The following MOB3B variants were observed in gnomAD, a reference collection of about 807,000 sequenced individuals.
MOB3B encodes the protein MOB kinase activator 3B, also known as MOB kinase activator-like 2B.
A neutral mutation model predicts 18.7 loss-of-function variants in MOB3B; 7 were observed. The ratio of observed to expected loss-of-function variants is 0.37; its 90% CI spans 0.21 to 0.70. The LOEUF is 0.70. MOB3B is among the 30% of genes least tolerant of loss of function. The pLI is 0.52. For synonymous variants in MOB3B, 111 were observed against 99.9 expected (o/e 1.11, Z -0.66); for missense variants, 253 against 281.3 (o/e 0.90, Z 0.72).
At chr9:27,421,571 A>G (rs1486069011) in intron 2 of MOB3B, 1 of 152,396 alleles carries the variant, frequency 6.6e-6, no homozygotes, top group Non-Finnish European at 1.5e-5. Flanking sequence ...GGCGGGGGTT[A>G]CTTCACATTT....
At chr9:27,474,237 C>T (rs1020149117) in intron 1 of MOB3B, among the ~76,000 whole-genome samples, 1 of 152,012 alleles carries the variant, frequency 6.6e-6, no homozygotes, top group African/African-American at 2.4e-5. Context: ...ATTTATATTT[C>T]CTCCAACCAT....
At chr9:27,523,464 CAAA>C (rs55637136) in intron 1 of MOB3B, among the ~76,000 whole-genome samples, 15 of 141,614 alleles carry the variant, frequency 1.1e-4, no homozygotes, top group Admixed American at 7.0e-5. Flanking sequence ...TAAACTGCAC[CAAA>C]AAAAAAAAAG....
chr9:27,436,951 C>T (rs564926714), intron 2 of MOB3B, among the ~76,000 whole-genome samples: 11 of 138,554 alleles, frequency 7.9e-5, no homozygotes, highest in South Asian at 4.4e-4. Context: ...AGGAACAGAA[C>T]GCGCAAAGGC....
chr9:27,349,243 T>C (rs1369151425), intron 3 of MOB3B, among the ~76,000 whole-genome samples: 1 of 152,212 alleles, frequency 6.6e-6, no homozygotes, highest in African/African-American at 2.4e-5. Context: ...TATAAAATTG[T>C]TTCATAGGAG....
At chr9:27,475,750 G>A (rs1196396571) in intron 1 of MOB3B, among the ~76,000 whole-genome samples, 2 of 152,174 alleles carry the variant, frequency 1.3e-5, no homozygotes. Context: ...TAGTTGCTCT[G>A]TCTAATCAAT....
At chr9:27,409,920 G>C (rs1308025027) in intron 2 of MOB3B, among the ~76,000 whole-genome samples, 1 of 151,964 alleles carries the variant, frequency 6.6e-6, no homozygotes, top group Non-Finnish European at 1.5e-5. Context: ...CAGGGGCTGA[G>C]AGGGAGGGGT....
At chr9:27,525,725 T>C (rs1820426327) in intron 1 of MOB3B, among the ~76,000 whole-genome samples, 1 of 152,208 alleles carries the variant, frequency 6.6e-6, no homozygotes, top group African/African-American at 2.4e-5. Flanking sequence ...AATCTGTCTT[T>C]TACTGTTTTT....
chr9:27,474,881 T>G (rs1023893617), intron 1 of MOB3B, among the ~76,000 whole-genome samples: 2 of 152,336 alleles, frequency 1.3e-5, no homozygotes, highest in East Asian at 3.9e-4. Flanking sequence ...TGTATTGGGT[T>G]ATGGTGCCAG....
intron 3 of MOB3B, among the ~76,000 whole-genome samples, chr9:27,333,622 A>G (rs1007386543): frequency 1.1e-4 from 17 of 152,238 alleles, no homozygotes; most frequent in South Asian, 8.3e-4. Flanking sequence ...CTTCTGAGAA[A>G]GTTCCTGGTG....
At chr9:27,456,446 C>T (rs1293807430) in intron 1 of MOB3B, among the ~76,000 whole-genome samples, 3 of 152,098 alleles carry the variant, frequency 2.0e-5, no homozygotes, top group Non-Finnish European at 2.9e-5. Flanking sequence ...GAGAGGAAGA[C>T]AAGAGAAAAA....
intron 3 of MOB3B, among the ~76,000 whole-genome samples, chr9:27,348,515 T>C (rs954577887): frequency 6.6e-5 from 10 of 151,916 alleles, no homozygotes; most frequent in African/African-American, 2.4e-4. Context: ...TATCCGGGCA[T>C]AGTAGCATGC....
At chr9:27,446,126 A>G (rs904208087) in intron 2 of MOB3B, among the ~76,000 whole-genome samples, 1 of 152,332 alleles carries the variant, frequency 6.6e-6, no homozygotes, top group East Asian at 1.9e-4. Flanking sequence ...ATATTCACAT[A>G]ATAAAAGGCC....
intron 2 of MOB3B, among the ~76,000 whole-genome samples, chr9:27,392,953 G>C (rs1424879179): frequency 1.3e-5 from 2 of 152,234 alleles, no homozygotes; most frequent in Non-Finnish European, 2.9e-5. Flanking sequence ...TAAGACCCTT[G>C]TTGGACTTGA....
intron 2 of MOB3B, among the ~76,000 whole-genome samples, chr9:27,364,507 A>T (rs1821316800): frequency 6.6e-6 from 1 of 152,214 alleles, no homozygotes; most frequent in Non-Finnish European, 1.5e-5. Context: ...TCCTATTTAA[A>T]TCTGGATTCC....
intron 1 of MOB3B, among the ~76,000 whole-genome samples, chr9:27,509,250 G>A (rs1297674467): frequency 6.6e-6 from 1 of 151,918 alleles, no homozygotes; most frequent in Non-Finnish European, 1.5e-5. Context: ...CCAAGCCTTA[G>A]TATCAACACA....
At chr9:27,331,163 A>G (rs1820783501) in intron 3 of MOB3B, among the ~76,000 whole-genome samples, 1 of 152,200 alleles carries the variant, frequency 6.6e-6, no homozygotes, top group Non-Finnish European at 1.5e-5. Flanking sequence ...ATAATACACC[A>G]AAGTGTCTGA....
At chr9:27,460,354 A>T (rs926904335) in intron 1 of MOB3B, among the ~76,000 whole-genome samples, 3 of 152,228 alleles carry the variant, frequency 2.0e-5, no homozygotes, top group Non-Finnish European at 4.4e-5. Context: ...TATAACAATA[A>T]AACATGTGCA....
chr9:27,456,049 T>G (rs1822864636), intron 1 of MOB3B, among the ~76,000 whole-genome samples: 1 of 152,202 alleles, frequency 6.6e-6, no homozygotes, highest in South Asian at 2.1e-4. Context: ...ATGAACATGT[T>G]GATCAATGGC....
chr9:27,474,096 T>C (rs115061628), intron 1 of MOB3B, among the ~76,000 whole-genome samples: 18 of 152,340 alleles, frequency 1.2e-4, no homozygotes, highest in African/African-American at 4.1e-4. Flanking sequence ...CAGTCTAAGG[T>C]ATCTTGTTAC....
Sources: allele counts gnomAD v4.1 joint callset (sites outside exome capture counted in the v4.1 genomes callset), GRCh38; gene constraint gnomAD v4.1.1; transcripts MANE v1.5; gene names NCBI Gene and HGNC (gene_info 2026-07-23, HGNC 2026-07-21).